PIGX: variants seen among roughly 807,000 people sequenced by gnomAD.
PIGX encodes the protein GPI alpha-1,4-mannosyltransferase I, stabilizing subunit.
Under a neutral mutation model 28.7 loss-of-function variants are expected in PIGX, and 24 were observed. The observed-to-expected ratio is 0.84, with a 90% confidence interval of 0.60 to 1.17. The LOEUF (loss-of-function observed/expected upper bound fraction) is 1.17. PIGX is among the 50% of genes most tolerant of loss of function. The pLI, the probability that PIGX is intolerant of heterozygous loss-of-function variation, is 0.00. For missense variants in PIGX, 305 were observed against 317.8 expected (o/e 0.96, Z 0.31); for synonymous variants, 127 against 121.0 (o/e 1.05, Z -0.33).
chr3:196,725,235 A>G (rs924410105), intron 3 of PIGX, among the ~76,000 whole-genome samples: 3 of 152,218 alleles, frequency 2.0e-5, no homozygotes, highest in Admixed American at 1.3e-4. Context: ...AGTTTTACTC[A>G]AAGTATGTAG....
intron 3 of PIGX, among the ~76,000 whole-genome samples, chr3:196,723,747 T>G (rs913322188): frequency 6.6e-6 from 1 of 152,054 alleles, no homozygotes; most frequent in African/African-American, 2.4e-5. Flanking sequence ...TTTTTAAAAC[T>G]GTAAAATAGA....
chr3:196,723,398 A>T (rs1310709013), intron 3 of PIGX, among the ~76,000 whole-genome samples: 1 of 152,172 alleles, frequency 6.6e-6, no homozygotes, highest in East Asian at 1.9e-4. Flanking sequence ...AATCACATAG[A>T]TAATTGGAAG....
intron 4 of PIGX, chr3:196,728,848 CTG>C: frequency 1.4e-6 from 1 of 729,430 alleles, no homozygotes; most frequent in East Asian, 2.5e-5. Flanking sequence ...CATTACCCCT[CTG>C]TTGCTTTTTG....
At position 196,722,552 on chromosome 3, in the gene PIGX, C is replaced by T. The variant is rs1712363898; in HGVS notation, c.314C>T (p.Thr105Ile). The change falls in exon 3 of 6, where the codon ACA becomes ATA. Residue 105 changes from threonine (T) to isoleucine (I), a missense_variant. By Grantham distance (89) the Thr-to-Ile change is moderately conservative. Transcript: ENST00000392391. ...GCTTCATTACGAGAGAGAAACATAA[C>T]AGAGGTACAGTTATTAGGGGATTTT... 1 of 1,612,474 alleles carries T rather than the reference C, an allele frequency of 6.2e-7. No homozygotes were observed. Among genetic ancestry groups the T allele is most frequent in the African/African-American group, 1.3e-5 (1 of 74,842 alleles).
intron 1 of PIGX, chr3:196,713,095 G>T: frequency 1.0e-6 from 1 of 985,370 alleles, no homozygotes; most frequent in Non-Finnish European, 1.2e-6. Context: ...CTACTGAGAC[G>T]GGCAAGTGCG....
chr3:196,726,966 A>T (rs1245197622), intron 3 of PIGX, among the ~76,000 whole-genome samples: 1 of 152,192 alleles, frequency 6.6e-6, no homozygotes, highest in Non-Finnish European at 1.5e-5. Flanking sequence ...TCATGAGATG[A>T]TATAATTCCT....
At position 196,733,875 on chromosome 3, in the gene PIGX, T is replaced by C; in HGVS notation, c.750T>C (p.Val250=). ...GCTCTACATTGATCCTTGTAGCAGTTTTCAAATATGGCCATTTTTCCCTAT... is the reference window on the plus strand; with the variant it reads ...GCTCTACATTGATCCTTGTAGCAGTCTTCAAATATGGCCATTTTTCCCTAT... Residue 250 remains valine (V), a synonymous_variant, in exon 6 of 6, where the codon GTT becomes GTC. Transcript: ENST00000392391. The surrounding 1 kb of genome is among the most constrained non-coding windows in gnomAD (Gnocchi z 4.3). The C allele has an allele frequency of 6.2e-7, 1 of 1,605,630 alleles. No individual in the cohort carries two copies. Among genetic ancestry groups the C allele is most frequent in the Middle Eastern group, 1.7e-4 (1 of 6,046 alleles).
chr3:196,712,427 C>G lies in PIGX; in HGVS notation c.-106C>G. On this transcript the variant is annotated 5_prime_UTR_variant, in exon 1 of 6. Transcript: ENST00000392391. ...CGCGCACCCAGCACTCGGTCCCAGC[C>G]GATAAATCTGGGGCAGCGCGCGGTA... 1 of 446,620 alleles carries G rather than the reference C, an allele frequency of 2.2e-6. No individual in the cohort carries two copies. The allele number at this position is 446,620 out of a possible 1,614,324, so 27.7% of individuals were successfully genotyped here.
intron 3 of PIGX, among the ~76,000 whole-genome samples, chr3:196,723,273 G>A (rs1200460145): frequency 2.0e-5 from 3 of 152,188 alleles, no homozygotes; most frequent in African/African-American, 7.2e-5. Flanking sequence ...CCTGGGAGGC[G>A]GAGGTTGCAG....
At chr3:196,716,748 T>G in intron 1 of PIGX, 110 bp from the exon 2 acceptor site, 2 of 464,180 alleles carry the variant, frequency 4.3e-6, no homozygotes, top group Non-Finnish European at 7.1e-6. Context: ...TTTAGGTTGG[T>G]TAGATTTTCT....
At chr3:196,718,098 C>T (rs1392060208) in intron 2 of PIGX, 1 of 152,030 alleles carries the variant, frequency 6.6e-6, no homozygotes, top group Non-Finnish European at 1.5e-5. Context: ...ATCACGAGGT[C>T]ACGAGTTCGA....
chr3:196,721,157 C>G, intron 2 of PIGX: 1 of 368,968 alleles, frequency 2.7e-6, no homozygotes, highest in South Asian at 2.0e-5. Context: ...TTTTCTGTTA[C>G]ATTCTCTTCT....
chr3:196,716,450 G>A (rs993698312), intron 1 of PIGX, among the ~76,000 whole-genome samples: 8 of 151,984 alleles, frequency 5.3e-5, no homozygotes, highest in African/African-American at 1.9e-4. Flanking sequence ...TTCCTTTTTG[G>A]TATCTTGGGA....
At position 196,733,669 on chromosome 3, in the gene PIGX, T is replaced by C; in HGVS notation, c.634-90T>C. ...CTCAAGCGATCTGCCCGCCTTGGCC[T>C]CCCGAAGTGCTGGGATTACAGGCAT... On this transcript the variant is annotated intron_variant, in intron 5 of 5. Transcript: ENST00000392391. The surrounding 1 kb of genome is among the most constrained non-coding windows in gnomAD (Gnocchi z 4.3). 1.1e-6 allele frequency: 1 copy of C among 935,456 alleles called. No homozygotes were observed. The highest frequency in any genetic ancestry group is 1.5e-5 in the South Asian group (1 of 67,934). The allele number at this position is 935,456 out of a possible 1,614,324, so 57.9% of individuals were successfully genotyped here.
At chr3:196,731,249 C>T (rs952096612) in intron 5 of PIGX, among the ~76,000 whole-genome samples, 157 bp downstream of exon 5, 1 of 151,698 alleles carries the variant, frequency 6.6e-6, no homozygotes, top group Non-Finnish European at 1.5e-5. Flanking sequence ...ACAATCTCGG[C>T]TCACTGCAGC....
chr3:196,725,976 A>G (rs1486747255), intron 3 of PIGX, among the ~76,000 whole-genome samples: 1 of 152,240 alleles, frequency 6.6e-6, no homozygotes, highest in Non-Finnish European at 1.5e-5. Context: ...AGACATATCC[A>G]GCAAGATCAA....
chr3:196,726,178 C>A (rs1395395508), intron 3 of PIGX, among the ~76,000 whole-genome samples: 1 of 152,106 alleles, frequency 6.6e-6, no homozygotes, highest in Non-Finnish European at 1.5e-5. Flanking sequence ...ATAGTCTCAG[C>A]TACTTGGGAG....
In PIGX at chr3:196,712,542, C is replaced by T; in HGVS notation, c.10C>T (p.Arg4Trp). The change falls in exon 1 of 6, where the codon CGG becomes TGG. Residue 4 changes from arginine (R) to tryptophan (W), a missense_variant. Arg to Trp is a moderately radical substitution (Grantham distance 101). Coordinates refer to ENST00000392391, the MANE Select transcript of PIGX (RefSeq NM_017861.4). ...TCCGGCTTCCGGCGTCCTGGCGGCT[C>T]GGGTGGCGGCGGTTCGGGCGGCCGC... The T allele has an allele frequency of 8.5e-7, 1 of 1,172,418 alleles. No individual in the cohort carries two copies. The allele number at this position is 1,172,418 out of a possible 1,614,324, so 72.6% of individuals were successfully genotyped here. A position where few individuals can be genotyped will look rare whatever the true frequency, so the allele number is the denominator to read the frequency against.
chr3:196,730,329 T>C (rs1224557613), intron 4 of PIGX, among the ~76,000 whole-genome samples: 2 of 152,150 alleles, frequency 1.3e-5, no homozygotes, highest in African/African-American at 4.8e-5. Flanking sequence ...TATGGGTGTG[T>C]TTCATATGGA....
Sources: gnomAD v4.1 joint callset for allele counts (sites outside exome capture counted in the v4.1 genomes callset) on GRCh38, gnomAD v4.1.1 for gene constraint, Gnocchi (gnomAD v3.1) non-coding constraint, MANE v1.5 for transcripts, NCBI Gene and HGNC (gene_info 2026-07-23, HGNC 2026-07-21) for gene names.